Variants in BCAS3 observed in about 807,000 individuals in gnomAD.
The protein encoded by BCAS3 is BCAS4/BCAS3 fusion.
Under a neutral mutation model 116.1 loss-of-function variants are expected in BCAS3, and 53 were observed. The ratio of observed to expected loss-of-function variants is 0.46; its 90% CI spans 0.37 to 0.57. The LOEUF is 0.57. Among genes scored for constraint, BCAS3 ranks in the 20% least tolerant of loss-of-function variants. The probability of loss-of-function intolerance (pLI) is 0.00; values close to 1 mark genes in which losing one functional copy is unlikely to be tolerated. For synonymous variants in BCAS3, 391 were observed against 408.2 expected (o/e 0.96, Z 0.51); for missense variants, 917 against 1,165.4 (o/e 0.79, Z 3.10).
At chr17:60,803,789 T>C (rs2048018744) in intron 6 of BCAS3, among the ~76,000 whole-genome samples, 2 of 144,462 alleles carry the variant, frequency 1.4e-5, no homozygotes, top group Admixed American at 7.4e-5. Context: ...CATAAGTAAC[T>C]ATTACGATTT....
chr17:60,730,418 T>C (rs1350679608), intron 5 of BCAS3, among the ~76,000 whole-genome samples: 1 of 152,218 alleles, frequency 6.6e-6, no homozygotes, highest in Non-Finnish European at 1.5e-5. Context: ...TCAGCAAATA[T>C]CTGTTCTATA....
intron 7 of BCAS3, among the ~76,000 whole-genome samples, chr17:60,831,222 G>C (rs2050892306): frequency 6.6e-6 from 1 of 152,060 alleles, no homozygotes; most frequent in Middle Eastern, 3.4e-3. Flanking sequence ...TGTCAACCAG[G>C]CTGGAGTGTA....
At chr17:61,153,853 TG>T (rs1390105768) in intron 22 of BCAS3, among the ~76,000 whole-genome samples, 1 of 152,228 alleles carries the variant, frequency 6.6e-6, no homozygotes, top group Non-Finnish European at 1.5e-5. Context: ...TCTTCCCATT[TG>T]GGGGTGAAAT....
At chr17:61,108,312 G>A (rs932595824) in intron 22 of BCAS3, among the ~76,000 whole-genome samples, 1 of 151,976 alleles carries the variant, frequency 6.6e-6, no homozygotes, top group African/African-American at 2.4e-5. Flanking sequence ...CATTATATTT[G>A]ATATGTTTTA....
intron 11 of BCAS3, among the ~76,000 whole-genome samples, chr17:60,905,595 A>T (rs2058146491): frequency 6.6e-6 from 1 of 151,948 alleles, no homozygotes; most frequent in Admixed American, 6.6e-5. Flanking sequence ...GCTCGTTCTC[A>T]TTTATTATGA....
Position 61,215,887 on chromosome 17 carries a change from G to T in BCAS3, c.2425+131323G>T, listed in dbSNP as rs183805256. Among the ~76,000 whole-genome samples the T allele has an allele frequency of 5.7e-3, 870 of 152,308 alleles. 29 individuals carry two copies. The highest frequency in any genetic ancestry group is 0.048 in the Admixed American group (739 of 15,294). On this transcript the variant is annotated intron_variant, in intron 22 of 23. Transcript: ENST00000407086. This position sits in a 1 kb window ranked among gnomAD's most constrained non-coding sequence, Gnocchi z 4.8. ...CCTGAGTAATTCTAGTGTACAGCCA[G>T]ATTTGAAAACCTTTGTCTTAGTCAG...
Position 61,069,916 on chromosome 17 carries a change from G to C in BCAS3, c.2030-5004G>C, listed in dbSNP as rs569823550. Reference sequence around the variant, plus strand: ...GGAAGCTCCTGCCCCTCCTAAAGCCGAAGCCAAAGCGAAGGCTTTAAAGGC... The same window carrying C: ...GGAAGCTCCTGCCCCTCCTAAAGCCCAAGCCAAAGCGAAGGCTTTAAAGGC... On this transcript the variant is annotated intron_variant, in intron 19 of 23. Coordinates refer to ENST00000407086, the MANE Select transcript of BCAS3 (RefSeq NM_017679.5). The C allele has an allele frequency of 3.3e-6, 5 of 1,499,264 alleles. No individual in the cohort carries two copies. In the East Asian group the frequency reaches 1.1e-4, roughly 34 times the overall value. 92.9% of individuals were successfully genotyped at this position (1,499,264 alleles called of 1,614,324 possible).
rs2143624521 is a variant in BCAS3 at position 61,381,903 on chromosome 17, C to T, written c.2594-10074C>T. The stretch of plus-strand genomic sequence containing the variant: ...CATTATTAATCTAGAAAATTCTCTC[C>T]TATCCCCAACTGGTCATCCTCTCCC... On this transcript the variant is annotated intron_variant, in intron 23 of 23. Coordinates refer to ENST00000407086, the MANE Select transcript of BCAS3 (RefSeq NM_017679.5). This position sits in a 1 kb window ranked among gnomAD's most constrained non-coding sequence, Gnocchi z 6.0. Among the ~76,000 whole-genome samples the T allele has an allele frequency of 6.6e-6, 1 of 152,296 alleles. No individual in the cohort carries two copies. Among genetic ancestry groups the T allele is most frequent in the South Asian group, 2.1e-4 (1 of 4,828 alleles).
intron 22 of BCAS3, among the ~76,000 whole-genome samples, chr17:61,202,192 C>CA (rs1272520351): frequency 7.3e-6 from 1 of 137,864 alleles, no homozygotes; most frequent in Non-Finnish European, 1.5e-5. Flanking sequence ...GGTTGGAGTG[C>CA]AGTGGTGTGA....
intron 22 of BCAS3, among the ~76,000 whole-genome samples, chr17:61,258,000 A>AT (rs2048920714): frequency 1.3e-5 from 2 of 151,942 alleles, no homozygotes; most frequent in African/African-American, 4.8e-5. Context: ...TTGAGCATAG[A>AT]TTTTCTCTTC....
rs990368192 is a variant in BCAS3, at chr17:61,279,452, G to A, written c.2426-88875G>A. On this transcript the variant is annotated intron_variant, in intron 22 of 23. Transcript: ENST00000407086. This position sits in a 1 kb window ranked among gnomAD's most constrained non-coding sequence, Gnocchi z 4.4. ...TTCCATTCCATTCCTTATTATTTGG[G>A]TTCTTCTTGAAGAGCAGCTTCTGCC... Among the ~76,000 whole-genome samples the A allele has an allele frequency of 1.3e-5, 2 of 151,984 alleles. No individual in the cohort carries two copies. Among genetic ancestry groups the A allele is most frequent in the Admixed American group, 6.6e-5 (1 of 15,260 alleles).
rs2081080198 is a variant in BCAS3 at position 61,205,692 on chromosome 17, C to T, written c.2425+121128C>T. On this transcript the variant is annotated intron_variant, in intron 22 of 23. Transcript: ENST00000407086. This position sits in a 1 kb window ranked among gnomAD's most constrained non-coding sequence, Gnocchi z 5.2. ...GGGCTCCTCATCAGAGGATATGCTTCTTTTATGTTCCTTAGACTCTTGCCC... is the reference window on the plus strand; with the variant it reads ...GGGCTCCTCATCAGAGGATATGCTTTTTTTATGTTCCTTAGACTCTTGCCC... 6.6e-6 allele frequency among the ~76,000 whole-genome samples: 1 copy of T among 152,148 alleles called. No individual in the cohort carries two copies. Among genetic ancestry groups the T allele is most frequent in the South Asian group, 2.1e-4 (1 of 4,826 alleles).
At chr17:61,237,537 C>T (rs969606098) in intron 22 of BCAS3, among the ~76,000 whole-genome samples, 1 of 152,224 alleles carries the variant, frequency 6.6e-6, no homozygotes, top group African/African-American at 2.4e-5. Context: ...TGGCTGCTCA[C>T]TGTTTGGGTC....
At chr17:60,988,380 G>A (rs1490492468) in intron 14 of BCAS3, among the ~76,000 whole-genome samples, 2 of 99,944 alleles carry the variant, frequency 2.0e-5, no homozygotes, top group Non-Finnish European at 4.1e-5. Flanking sequence ...TTTGGTTTTG[G>A]TTTCAGAGTA....
intron 12 of BCAS3, among the ~76,000 whole-genome samples, chr17:60,914,346 A>G (rs769627534): frequency 6.6e-6 from 1 of 152,180 alleles, no homozygotes; most frequent in Non-Finnish European, 1.5e-5. Context: ...CATAAAGAGA[A>G]CATTCAAAGA....
At chr17:60,943,214 A>T (rs1359292613) in intron 13 of BCAS3, among the ~76,000 whole-genome samples, 1 of 152,114 alleles carries the variant, frequency 6.6e-6, no homozygotes, top group Non-Finnish European at 1.5e-5. Flanking sequence ...AGACAAGCAA[A>T]AATAATAATA....
intron 6 of BCAS3, among the ~76,000 whole-genome samples, chr17:60,748,255 A>G (rs1363281709): frequency 1.3e-5 from 2 of 152,218 alleles, no homozygotes; most frequent in Middle Eastern, 3.2e-3. Context: ...TTAATTTAGC[A>G]ACTAAATCTG....
rs73993713 is a variant in BCAS3 at position 61,178,855 on chromosome 17, G to A, written c.2425+94291G>A. On this transcript the variant is annotated intron_variant, in intron 22 of 23. Coordinates refer to ENST00000407086, the MANE Select transcript of BCAS3 (RefSeq NM_017679.5). ...TCAAAATGTGGAAAGAACAAATGAAGTTTACGTACCCTATATGAAGACGCT... is the reference window on the plus strand; with the variant it reads ...TCAAAATGTGGAAAGAACAAATGAAATTTACGTACCCTATATGAAGACGCT... Among the ~76,000 whole-genome samples the A allele has an allele frequency of 8.7e-4, 132 of 152,252 alleles. 1 individual carries two copies. Among genetic ancestry groups the A allele is most frequent in the African/African-American group, 3.1e-3 (128 of 41,544 alleles).
intron 22 of BCAS3, among the ~76,000 whole-genome samples, chr17:61,290,641 G>A (rs912150868): frequency 6.6e-6 from 1 of 152,142 alleles, no homozygotes; most frequent in African/African-American, 2.4e-5. Context: ...AGGGCTTGAA[G>A]CTTCTTTCTG....
Sources: allele counts gnomAD v4.1 joint callset (sites outside exome capture counted in the v4.1 genomes callset), GRCh38; gene constraint gnomAD v4.1.1; non-coding constraint Gnocchi (gnomAD v3.1); transcripts MANE v1.5; gene names NCBI Gene and HGNC (gene_info 2026-07-23, HGNC 2026-07-21).